Variants in PTPRD observed in about 807,000 individuals in gnomAD.
PTPRD encodes protein tyrosine phosphatase receptor type D, also known as receptor-type tyrosine-protein phosphatase delta.
Under a neutral mutation model 214.5 loss-of-function variants are expected in PTPRD, and 34 were observed. The observed-to-expected ratio is 0.16, with a 90% CI of 0.12 to 0.21. The LOEUF (loss-of-function observed/expected upper bound fraction) is 0.21, where lower values mean the gene tolerates loss of function less well. Among genes scored for constraint, PTPRD ranks in the 10% least tolerant of loss-of-function variants. PTPRD has a pLI of 1.00. For synonymous variants in PTPRD, 1,128 were observed against 845.7 expected, an observed-to-expected ratio of 1.33 and a Z score of -5.79; for missense variants, 2,545 against 2,398.7, an observed-to-expected ratio of 1.06 and a Z score of -1.27.
intron 2 of PTPRD, among the ~76,000 whole-genome samples, chr9:10,402,789 C>T (rs2098291626): frequency 6.6e-6 from 1 of 151,610 alleles, no homozygotes; most frequent in African/African-American, 2.4e-5. Context: ...TTTCTAAGGT[C>T]TCCAGTCATC....
chr9:9,375,529 G>A (rs891134347), intron 9 of PTPRD, among the ~76,000 whole-genome samples: 1 of 152,120 alleles, frequency 6.6e-6, no homozygotes, highest in Non-Finnish European at 1.5e-5. Context: ...CTGGGAGGCG[G>A]AGGCTGCAGT....
chr9:9,129,866 C>A (rs1277505663), intron 10 of PTPRD, among the ~76,000 whole-genome samples: 3 of 152,074 alleles, frequency 2.0e-5, no homozygotes. Context: ...GTACAGACTC[C>A]CCAGAAGTTC....
At chr9:8,687,977 T>A (rs1467930832) in intron 12 of PTPRD, among the ~76,000 whole-genome samples, 1 of 152,214 alleles carries the variant, frequency 6.6e-6, no homozygotes, top group African/African-American at 2.4e-5. Context: ...TTACAGTTTT[T>A]TGAAATTCTG....
At chr9:10,601,534 GT>G (rs1412293072) in intron 2 of PTPRD, among the ~76,000 whole-genome samples, 1 of 151,616 alleles carries the variant, frequency 6.6e-6, no homozygotes, top group African/African-American at 2.4e-5. Context: ...TATATATACT[GT>G]ATTTTCAAAT....
At chr9:8,735,691 C>G (rs2090119370) in intron 11 of PTPRD, among the ~76,000 whole-genome samples, 1 of 152,174 alleles carries the variant, frequency 6.6e-6, no homozygotes, top group South Asian at 2.1e-4. Flanking sequence ...AGGAGGATCA[C>G]TTGAGGCCAG....
chr9:8,999,434 T>G (rs2154353794), intron 11 of PTPRD, among the ~76,000 whole-genome samples: 1 of 152,208 alleles, frequency 6.6e-6, no homozygotes, highest in Admixed American at 6.5e-5. Context: ...GTTAGCATAT[T>G]TTAGCAATAA....
chr9:8,472,363 C>T (rs938783163), intron 30 of PTPRD, among the ~76,000 whole-genome samples: 2 of 152,192 alleles, frequency 1.3e-5, no homozygotes, highest in African/African-American at 4.8e-5. Context: ...ACTCCCAACC[C>T]TGTGTCACAC....
intron 39 of PTPRD, among the ~76,000 whole-genome samples, chr9:8,367,240 A>G (rs1169985855): frequency 6.6e-6 from 1 of 151,876 alleles, no homozygotes; most frequent in South Asian, 2.1e-4. Context: ...TTTTTTTTTA[A>G]GTTAGAAGCT....
chr9:9,530,216 T>C (rs543654091), intron 8 of PTPRD, among the ~76,000 whole-genome samples: 4 of 152,200 alleles, frequency 2.6e-5, no homozygotes, highest in African/African-American at 9.6e-5. Flanking sequence ...AAACACAAAG[T>C]TGGTCTCTGA....
intron 23 of PTPRD, among the ~76,000 whole-genome samples, chr9:8,501,901 A>C (rs2097418436): frequency 6.6e-6 from 1 of 152,222 alleles, no homozygotes; most frequent in Non-Finnish European, 1.5e-5. Flanking sequence ...AAAATTTGGT[A>C]AAATCAATAA....
chr9:8,893,782 A>G (rs1032353524), intron 11 of PTPRD, among the ~76,000 whole-genome samples: 7 of 152,174 alleles, frequency 4.6e-5, no homozygotes, highest in Non-Finnish European at 1.0e-4. Context: ...AAAATGGACT[A>G]GGGATGCATC....
chr9:9,831,811 T>C (rs1012876785), intron 5 of PTPRD, among the ~76,000 whole-genome samples: 1 of 152,016 alleles, frequency 6.6e-6, no homozygotes, highest in Non-Finnish European at 1.5e-5. Context: ...GGGATGTATT[T>C]TTAGATCAGG....
At chr9:8,722,866 C>A (rs779429596) in intron 12 of PTPRD, among the ~76,000 whole-genome samples, 28 of 152,132 alleles carry the variant, frequency 1.8e-4, no homozygotes, top group Non-Finnish European at 2.6e-4. Flanking sequence ...TTTTATTTAC[C>A]AAAGTCTTTG....
chr9:10,234,051 G>C (rs575062933), intron 3 of PTPRD, among the ~76,000 whole-genome samples: 8 of 151,386 alleles, frequency 5.3e-5, no homozygotes, highest in Non-Finnish European at 1.0e-4. Context: ...TCAGGAATTC[G>C]AGACCAGCCT....
At chr9:8,808,617 G>A (rs982025975) in intron 11 of PTPRD, among the ~76,000 whole-genome samples, 1 of 151,760 alleles carries the variant, frequency 6.6e-6, no homozygotes, top group Non-Finnish European at 1.5e-5. Context: ...TTTAGTAATG[G>A]AAGTAAAGCA....
chr9:8,327,439 G>A (rs1741704260), intron 44 of PTPRD, among the ~76,000 whole-genome samples: 1 of 151,954 alleles, frequency 6.6e-6, no homozygotes, highest in Non-Finnish European at 1.5e-5. Flanking sequence ...TTGCTGAGGA[G>A]TGTTTTACTT....
intron 11 of PTPRD, among the ~76,000 whole-genome samples, chr9:8,775,059 T>C (rs1311607514): frequency 6.6e-6 from 1 of 152,176 alleles, no homozygotes; most frequent in East Asian, 1.9e-4. Context: ...CTCCAATTAA[T>C]TGCTATGTCC....
intron 2 of PTPRD, among the ~76,000 whole-genome samples, chr9:10,482,748 C>G (rs1417616136): frequency 6.6e-6 from 1 of 152,148 alleles, no homozygotes; most frequent in African/African-American, 2.4e-5. Flanking sequence ...TATGAATATA[C>G]TTAACCAACT....
chr9:10,361,033 C>G (rs549709049), intron 2 of PTPRD, among the ~76,000 whole-genome samples: 35 of 152,186 alleles, frequency 2.3e-4, no homozygotes, highest in Admixed American at 2.2e-3. Context: ...ACACGGGAGG[C>G]GGAGCTTGTA....
Sources: allele counts gnomAD v4.1 joint callset (sites outside exome capture counted in the v4.1 genomes callset), GRCh38; gene constraint gnomAD v4.1.1; transcripts MANE v1.5; gene names NCBI Gene and HGNC (gene_info 2026-07-23, HGNC 2026-07-21).